The following F13A1 variants were observed in gnomAD, a reference collection of about 807,000 sequenced individuals.
F13A1 encodes FSF, A subunit.
Under a neutral mutation model 80.1 loss-of-function variants are expected in F13A1, and 47 were observed. That is an observed-to-expected ratio of 0.59 (90% CI 0.46 to 0.75). The LOEUF (loss-of-function observed/expected upper bound fraction) is 0.75, where lower values mean the gene tolerates loss of function less well. Ranked by LOEUF, F13A1 falls within the 30% of genes least tolerant of loss-of-function variation. The pLI is 0.00. For missense variants in F13A1, 817 were observed against 930.4 expected, an observed-to-expected ratio of 0.88 and a Z score of 1.59; for synonymous variants, 349 against 344.9, an observed-to-expected ratio of 1.01 and a Z score of -0.13.
intron 12 of F13A1, among the ~76,000 whole-genome samples, 184 bp downstream of exon 12, chr6:6,174,390 AAAAAAT>A (rs1350109270): frequency 4.7e-5 from 7 of 147,860 alleles, no homozygotes; most frequent in Non-Finnish European, 7.5e-5. Flanking sequence ...ATTCCATCTC[AAAAAAT>A]AAAAATAAAA....
chr6:6,293,688 T>A (rs1490741497), intron 3 of F13A1, among the ~76,000 whole-genome samples: 1 of 150,800 alleles, frequency 6.6e-6, no homozygotes, highest in Non-Finnish European at 1.5e-5. Flanking sequence ...AGAGCCCTAT[T>A]TATTTAAATA....
At chr6:6,186,560 C>A (rs1421189149) in intron 10 of F13A1, among the ~76,000 whole-genome samples, 1 of 152,192 alleles carries the variant, frequency 6.6e-6, no homozygotes, top group Non-Finnish European at 1.5e-5. Flanking sequence ...TCTGAGGACT[C>A]TGTTCTGTTC....
At chr6:6,262,277 G>T (rs978282538) in intron 4 of F13A1, among the ~76,000 whole-genome samples, 5 of 152,152 alleles carry the variant, frequency 3.3e-5, no homozygotes, top group Non-Finnish European at 5.9e-5. Context: ...TGCTCCAAGC[G>T]TGGTGACCAC....
intron 2 of F13A1, among the ~76,000 whole-genome samples, chr6:6,312,227 GT>G (rs1314267893): frequency 6.6e-6 from 1 of 151,498 alleles, no homozygotes; most frequent in Non-Finnish European, 1.5e-5. Flanking sequence ...TTTCTAACAT[GT>G]TACTTTTTCT....
rs1171712858 is a variant in F13A1 at position 6,182,014 on chromosome 6, A to G, written c.1433T>C (p.Ile478Thr). The change falls in exon 11 of 15, where the codon ATT becomes ACT. Residue 478 changes from isoleucine to threonine, a missense_variant. Coordinates refer to ENST00000264870, the MANE Select transcript of F13A1 (RefSeq NM_000129.4). ...KQIGGDGMMD[I>T]TDTYKFQEGQ... ...TTCTTGGAATTTGTAAGTATCAGTA[A>G]TATCCATCATGCCATCTCCTCCAAT... 6.2e-7 allele frequency: 1 copy of G among 1,614,222 alleles called. No homozygotes were observed. The highest frequency in any genetic ancestry group is 1.7e-5 in the Admixed American group (1 of 60,022).
At chr6:6,302,590 G>A (rs187467326) in intron 3 of F13A1, among the ~76,000 whole-genome samples, 117 of 152,280 alleles carry the variant, frequency 7.7e-4, no homozygotes, top group East Asian at 5.8e-4. Context: ...TGAATGGAAC[G>A]TGCAGGACCA....
At position 6,197,342 on chromosome 6, in the gene F13A1, C is replaced by T. The variant is rs780512702; in HGVS notation, c.1113-16G>A. 2.5e-6 allele frequency: 4 copies of T among 1,611,006 alleles called. No homozygotes were observed. In the African/African-American group the frequency reaches 4.0e-5, roughly 16 times the overall value. On this transcript the variant is annotated splice_polypyrimidine_tract_variant and intron_variant, in intron 8 of 14. Coordinates refer to ENST00000264870, the MANE Select transcript of F13A1 (RefSeq NM_000129.4). Reference sequence around the variant, plus strand: ...GTGGTAGTTCCTTAGAAAACACAAGCCCAGAAAGGTTAAACTTCCCATCAC... The same window carrying T: ...GTGGTAGTTCCTTAGAAAACACAAGTCCAGAAAGGTTAAACTTCCCATCAC...
intron 13 of F13A1, among the ~76,000 whole-genome samples, chr6:6,163,311 G>A (rs1760605145): frequency 6.6e-6 from 1 of 152,158 alleles, no homozygotes. Context: ...ACTGCATTTA[G>A]CTCCCTTTCC....
In F13A1 at chr6:6,217,182, A is replaced by C. The variant is rs1466871234; in HGVS notation, c.1112+4851T>G. 4.6e-5 allele frequency among the ~76,000 whole-genome samples: 7 copies of C among 151,792 alleles called. No homozygotes were observed. In the East Asian group the frequency reaches 1.4e-3, roughly 29 times the overall value. ...ACCCAGCCATCCCATTACTTGGTATATACCCAAAGGACTATAAATCATGCT... is the reference window on the plus strand; with the variant it reads ...ACCCAGCCATCCCATTACTTGGTATCTACCCAAAGGACTATAAATCATGCT... On this transcript the variant is annotated intron_variant, in intron 8 of 14. Transcript: ENST00000264870.
At chr6:6,203,688 A>G (rs1167333499) in intron 8 of F13A1, among the ~76,000 whole-genome samples, 1 of 152,202 alleles carries the variant, frequency 6.6e-6, no homozygotes, top group East Asian at 1.9e-4. Flanking sequence ...ACCAGTGACC[A>G]AACTCCTGAC....
chr6:6,193,589 G>A lies in F13A1; in HGVS notation c.1305+2208C>T, dbSNP rs556457528. On this transcript the variant is annotated intron_variant, in intron 10 of 14. Coordinates refer to ENST00000264870, the MANE Select transcript of F13A1 (RefSeq NM_000129.4). ...ACAAATTGTACCCTCTGTCAGACAC[G>A]CCTCTGCAGTGGGTGAGAAAGGAGT... is the stretch of plus-strand genomic sequence containing the variant. 9.8e-5 allele frequency among the ~76,000 whole-genome samples: 15 copies of A among 152,292 alleles called. No homozygotes were observed. In the East Asian group the frequency reaches 2.1e-3, roughly 22 times the overall value.
chr6:6,316,122 T>C (rs1425309645), intron 2 of F13A1, among the ~76,000 whole-genome samples: 10 of 74,282 alleles, frequency 1.3e-4, no homozygotes, highest in South Asian at 1.3e-3. Flanking sequence ...TATATATATA[T>C]ATATATATAT....
chr6:6,271,129 C>CT (rs959858806), intron 3 of F13A1, among the ~76,000 whole-genome samples: 1 of 152,156 alleles, frequency 6.6e-6, no homozygotes, highest in African/African-American at 2.4e-5. Flanking sequence ...GATTGGCAGG[C>CT]TTTTCATATT....
Position 6,266,608 on chromosome 6 carries a change from C to A in F13A1, c.521G>T (p.Ser174Ile), listed in dbSNP as rs1290093487. The change falls in exon 4 of 15, where the codon AGT (serine) becomes ATT (isoleucine). Residue 174 changes from serine (S) to isoleucine (I), a missense_variant. Ser to Ile is a moderately radical substitution (Grantham distance 142, BLOSUM62 -2). Coordinates refer to ENST00000264870, the MANE Select transcript of F13A1 (RefSeq NM_000129.4). ...GTACGTGTCTGTTTCTGGGTTTCGA[C>A]TGGTTCGAAGTACGCCATAGGGAGT... The part of the protein sequence containing the change: ...VWTPYGVLRT[S>I]RNPETDTYIL... The A allele has an allele frequency of 1.2e-6, 2 of 1,614,208 alleles. No homozygotes were observed. Among genetic ancestry groups the A allele is most frequent in the Non-Finnish European group, 1.7e-6 (2 of 1,180,022 alleles).
At chr6:6,221,494 G>T (rs80163256) in intron 8 of F13A1, among the ~76,000 whole-genome samples, 1 of 152,168 alleles carries the variant, frequency 6.6e-6, no homozygotes, top group Non-Finnish European at 1.5e-5. Flanking sequence ...AAGCATTTGG[G>T]TTTATTCCCA....
At chr6:6,295,259 C>G (rs927788608) in intron 3 of F13A1, among the ~76,000 whole-genome samples, 9 of 144,906 alleles carry the variant, frequency 6.2e-5, no homozygotes, top group African/African-American at 2.2e-4. Context: ...GGTATATACC[C>G]AGTAATGGGA....
intron 3 of F13A1, among the ~76,000 whole-genome samples, chr6:6,295,695 T>G (rs1758314280): frequency 6.9e-6 from 1 of 144,138 alleles, no homozygotes; most frequent in Non-Finnish European, 1.5e-5. Flanking sequence ...TTCTGTAGGT[T>G]GCCTGTTCAC....
At chr6:6,175,277 C>T (rs1378618060) in intron 11 of F13A1, among the ~76,000 whole-genome samples, 1 of 152,178 alleles carries the variant, frequency 6.6e-6, no homozygotes, top group Non-Finnish European at 1.5e-5. Context: ...TGCCATTCCA[C>T]CTCCTGCAAT....
At chr6:6,200,092 G>A (rs1485162279) in intron 8 of F13A1, among the ~76,000 whole-genome samples, 2 of 152,228 alleles carry the variant, frequency 1.3e-5, no homozygotes, top group Admixed American at 1.3e-4. Flanking sequence ...ATGAGCTTGA[G>A]TGCCTGTGGG....
Sources: gnomAD v4.1 joint callset for allele counts (sites outside exome capture counted in the v4.1 genomes callset) on GRCh38, gnomAD v4.1.1 for gene constraint, MANE v1.5 for transcripts, NCBI Gene and HGNC (gene_info 2026-07-23, HGNC 2026-07-21) for gene names.